TRIM67: variants seen among roughly 807,000 people sequenced by gnomAD.
The protein encoded by TRIM67 is tripartite motif-containing protein 67.
TRIM67 carries 39 observed loss-of-function variants against 71.0 expected under a neutral mutation model. That is an observed-to-expected ratio of 0.55 (90% CI 0.43 to 0.72). The LOEUF is 0.72. TRIM67 is among the 30% of genes least tolerant of loss of function. The pLI is 0.00. For synonymous variants in TRIM67, 481 were observed against 473.9 expected, an observed-to-expected ratio of 1.01 and a Z score of -0.19; for missense variants, 973 against 1,079.2, an observed-to-expected ratio of 0.90 and a Z score of 1.38.
At chr1:231,181,824 C>T (rs1682914840) in intron 1 of TRIM67, among the ~76,000 whole-genome samples, 2 of 152,124 alleles carry the variant, frequency 1.3e-5, no homozygotes, top group Non-Finnish European at 2.9e-5. Context: ...CCTGCTTTTC[C>T]TTTGAACTTC....
In TRIM67 at chr1:231,217,843, A is replaced by G. The variant is rs4658907; in HGVS notation, c.*2403A>G. 376,329 of 1,288,938 alleles carry G rather than the reference A, an allele frequency of 0.29. 56,678 individuals are homozygous for G. The highest frequency in any genetic ancestry group is 0.41 in the Admixed American group (17,956 of 43,500). 79.8% of individuals were successfully genotyped at this position (1,288,938 alleles called of 1,614,324 possible). ...AGGTCAGGAGAGAAGTGGAAAGTGCAGGAGGGTAATGCCCTCAAATCCGGT... is the reference window on the plus strand; with the variant it reads ...AGGTCAGGAGAGAAGTGGAAAGTGCGGGAGGGTAATGCCCTCAAATCCGGT... On this transcript the variant is annotated 3_prime_UTR_variant, in exon 10 of 10. Transcript: ENST00000366653.
intron 1 of TRIM67, among the ~76,000 whole-genome samples, chr1:231,166,919 G>T (rs897962917): frequency 6.6e-6 from 1 of 152,180 alleles, no homozygotes; most frequent in Non-Finnish European, 1.5e-5. Context: ...GCTTTTGGTT[G>T]TTTGCTTCTT....
In TRIM67 at chr1:231,206,065, G is replaced by C. The variant is rs1683686798; in HGVS notation, c.1681-587G>C. ...AGGCATTCATGCCCAAGTTGGTCAA[G>C]TTCTGTGAGCCAGCCATGACTGAAT... On this transcript the variant is annotated intron_variant, in intron 6 of 9. Transcript: ENST00000366653. 2.0e-5 allele frequency among the ~76,000 whole-genome samples: 3 copies of C among 152,154 alleles called. 1 individual carries two copies. Among genetic ancestry groups the C allele is most frequent in the Admixed American group, 1.3e-4 (2 of 15,276 alleles).
chr1:231,185,957 G>T, intron 1 of TRIM67: 3 of 789,030 alleles, frequency 3.8e-6, no homozygotes, highest in Non-Finnish European at 6.2e-6. Context: ...GTGACAGCCG[G>T]GACAAGGGCT....
At chr1:231,187,653 G>C (rs182486935) in intron 1 of TRIM67, 4 of 1,270,224 alleles carry the variant, frequency 3.1e-6, no homozygotes, top group African/African-American at 1.5e-5. Context: ...CATCTCTACT[G>C]TCTCCCAAGT....
At position 231,218,914 on chromosome 1, in the gene TRIM67, G is replaced by A; in HGVS notation, c.*3474G>A. On this transcript the variant is annotated 3_prime_UTR_variant, in exon 10 of 10. Coordinates refer to ENST00000366653, the MANE Select transcript of TRIM67 (RefSeq NM_001004342.5). The stretch of plus-strand genomic sequence containing the variant: ...CCTCCGCCCCACCACAGCACTCTCA[G>A]GAAAGGATCAGAATGCAGGATCTTT... The A allele has an allele frequency of 1.1e-5, 11 of 985,506 alleles. No individual in the cohort carries two copies. The highest frequency in any genetic ancestry group is 1.2e-5 in the Non-Finnish European group (10 of 829,984). The allele number at this position is 985,506 out of a possible 1,614,324, so 61.0% of individuals were successfully genotyped here.
At chr1:231,213,000 C>T (rs1431813990) in intron 8 of TRIM67, among the ~76,000 whole-genome samples, 4 of 152,088 alleles carry the variant, frequency 2.6e-5, no homozygotes, top group Non-Finnish European at 4.4e-5. Flanking sequence ...GCCTGCCATA[C>T]GCTGCTTTTT....
intron 2 of TRIM67, among the ~76,000 whole-genome samples, chr1:231,198,639 GC>G (rs1683437755): frequency 6.6e-6 from 1 of 152,186 alleles, no homozygotes; most frequent in African/African-American, 2.4e-5. Flanking sequence ...ACCCGCCTTG[GC>G]CTCCCAAAGT....
intron 5 of TRIM67, 88 bp from the exon 6 acceptor site, chr1:231,203,779 C>G (rs1683616815): frequency 2.7e-6 from 4 of 1,500,416 alleles, no homozygotes; most frequent in Non-Finnish European, 3.6e-6. Context: ...CTCTGGAGGC[C>G]AGGACCCCTG....
rs1314428235 is a variant in TRIM67 at position 231,215,994 on chromosome 1, A to G, written c.*554A>G. On this transcript the variant is annotated 3_prime_UTR_variant, in exon 10 of 10. Transcript: ENST00000366653. ...GTAGCACCTGCCACTTGCAGACCCA[A>G]TGCAGGATTGATAGAAAGGGACATT... 1 of 985,820 alleles carries G rather than the reference A, an allele frequency of 1.0e-6. No homozygotes were observed. Among genetic ancestry groups the G allele is most frequent in the Non-Finnish European group, 1.2e-6 (1 of 830,230 alleles). The allele number at this position is 985,820 out of a possible 1,614,324, so 61.1% of individuals were successfully genotyped here.
At chr1:231,193,188 C>A (rs568818309) in intron 1 of TRIM67, among the ~76,000 whole-genome samples, 1 of 152,232 alleles carries the variant, frequency 6.6e-6, no homozygotes, top group Admixed American at 6.5e-5. Context: ...TTGCATGCAC[C>A]TCAAGCAATT....
chr1:231,202,153 C>CGGAGAAGGAGGAGGTAGTGGAGGA (rs1683559327), intron 5 of TRIM67, among the ~76,000 whole-genome samples: 1 of 2,248 alleles, frequency 4.4e-4, no homozygotes, highest in Non-Finnish European at 1.0e-3. Context: ...GAAGAGGTAG[C>CGGAGAAGGAGGAGGTAGTGGAGGA]GGAGGAGGAG....
chr1:231,216,833 C>T lies in TRIM67; in HGVS notation c.*1393C>T, dbSNP rs1032490669. 1.2e-5 allele frequency: 12 copies of T among 985,430 alleles called. No individual in the cohort carries two copies. The highest frequency in any genetic ancestry group is 1.4e-5 in the Non-Finnish European group (12 of 830,010). 61.0% of individuals were successfully genotyped at this position (985,430 alleles called of 1,614,324 possible). On this transcript the variant is annotated 3_prime_UTR_variant, in exon 10 of 10. Transcript: ENST00000366653. ...GTTTTGAGCCTGCCAGGCTCTTGTTCCCAGGGAACCCTTCCTCTCCTCCCT... is the reference window on the plus strand; with the variant it reads ...GTTTTGAGCCTGCCAGGCTCTTGTTTCCAGGGAACCCTTCCTCTCCTCCCT...
chr1:231,209,167 G>T lies in TRIM67; in HGVS notation c.2040G>T (p.Met680Ile). The stretch of plus-strand genomic sequence containing the variant: ...GGGCCAGCGTGGTCAAGGACATGAT[G>T]CTGGGCAAGGATGACAAGGCCTGGG... ...VARASVVKDM[M>I]LGKDDKAWAM... The change falls in exon 8 of 10, where the codon ATG becomes ATT. Residue 680 changes from methionine (M) to isoleucine (I), a missense_variant. Coordinates refer to ENST00000366653, the MANE Select transcript of TRIM67 (RefSeq NM_001004342.5). This position sits in a 1 kb window ranked among gnomAD's most constrained non-coding sequence, Gnocchi z 4.1. 1 of 1,612,992 alleles carries T rather than the reference G, an allele frequency of 6.2e-7. No homozygotes were observed. The highest frequency in any genetic ancestry group is 1.3e-5 in the African/African-American group (1 of 75,028).
chr1:231,179,920 G>A (rs1245624896), intron 1 of TRIM67, among the ~76,000 whole-genome samples: 2 of 152,208 alleles, frequency 1.3e-5, no homozygotes, highest in African/African-American at 2.4e-5. Flanking sequence ...ACTGGGCAAA[G>A]AGTAGGAGAA....
intron 3 of TRIM67, among the ~76,000 whole-genome samples, chr1:231,199,634 C>A (rs1206544228): frequency 1.3e-5 from 2 of 152,206 alleles, no homozygotes; most frequent in African/African-American, 4.8e-5. Context: ...CCTAACTCAG[C>A]CAGGCACCCA....
rs931731327 is a variant in TRIM67 at position 231,219,692 on chromosome 1, T to G, written c.*4252T>G. The stretch of plus-strand genomic sequence containing the variant: ...GAACTTCTTAATGGGTTTGTGGCCC[T>G]CAATTGGTTTTTAAAAAAATCTAAC... On this transcript the variant is annotated 3_prime_UTR_variant, in exon 10 of 10. Transcript: ENST00000366653. The G allele has an allele frequency of 4.2e-6, 5 of 1,185,630 alleles. No homozygotes were observed. The highest frequency in any genetic ancestry group is 1.1e-6 in the Non-Finnish European group (1 of 941,408). The allele number at this position is 1,185,630 out of a possible 1,614,324, so 73.4% of individuals were successfully genotyped here.
intron 4 of TRIM67, among the ~76,000 whole-genome samples, chr1:231,200,577 G>C (rs1683492862): frequency 6.6e-6 from 1 of 152,194 alleles, no homozygotes; most frequent in Non-Finnish European, 1.5e-5. Context: ...CAAGTTAGCA[G>C]AATCCACATG....
chr1:231,169,991 C>CTTTTTTTTTTTTTTTTTTTTTT (rs1342320930), intron 1 of TRIM67, among the ~76,000 whole-genome samples: 1 of 130,252 alleles, frequency 7.7e-6, no homozygotes, highest in African/African-American at 3.9e-5. Flanking sequence ...TTTTCTTTCT[C>CTTTTTTTTTTTTTTTTTTTTTT]TCTTTTTTTT....
Sources: allele counts gnomAD v4.1 joint callset (sites outside exome capture counted in the v4.1 genomes callset), GRCh38; gene constraint gnomAD v4.1.1; non-coding constraint Gnocchi (gnomAD v3.1); transcripts MANE v1.5; gene names NCBI Gene and HGNC (gene_info 2026-07-23, HGNC 2026-07-21).